The following ADGRF1 variants were observed in gnomAD, a reference collection of about 807,000 sequenced individuals.
ADGRF1 encodes adhesion G protein-coupled receptor F1, also known as G protein-coupled receptor 110.
Under a neutral mutation model 87.2 loss-of-function variants are expected in ADGRF1, and 85 were observed. The observed-to-expected ratio is 0.97, with a 90% CI of 0.82 to 1.17. The LOEUF is 1.17. Ranked by LOEUF, ADGRF1 falls within the 50% of genes most tolerant of loss-of-function variation. The pLI, the probability that ADGRF1 is intolerant of heterozygous loss-of-function variation, is 0.00. For missense variants in ADGRF1, 1,169 were observed against 1,077.2 expected, an observed-to-expected ratio of 1.09 and a Z score of -1.19; for synonymous variants, 430 against 408.8, an observed-to-expected ratio of 1.05 and a Z score of -0.63.
intron 1 of ADGRF1, among the ~76,000 whole-genome samples, chr6:47,039,064 T>A (rs998063132): frequency 6.6e-6 from 1 of 152,188 alleles, no homozygotes; most frequent in Non-Finnish European, 1.5e-5. Context: ...CACAAATGTA[T>A]AATAAATATC....
At position 47,009,583 on chromosome 6, in the gene ADGRF1, G is replaced by A; in HGVS notation, c.1852C>T (p.Gln618Ter). Residue 618 changes from glutamine to a stop codon, truncating the protein, a stop_gained, in exon 11 of 15, where the codon CAA becomes TAA. Coordinates refer to ENST00000371253, the MANE Select transcript of ADGRF1 (RefSeq NM_153840.4). LOFTEE classifies it high-confidence loss of function. The stretch of plus-strand genomic sequence containing the variant: ...CAAATACGACGTGTGTGAGAGGTTT[G>A]GCTTTTTTTAATCTGCTTCCAAAAC... ...ALFWKQIKKS[Q>*]TSHTRRICMV... 2 of 1,614,126 alleles carry A rather than the reference G, an allele frequency of 1.2e-6. No individual in the cohort carries two copies. Among genetic ancestry groups the A allele is most frequent in the Non-Finnish European group, 8.5e-7 (1 of 1,180,010 alleles).
rs575186629 is a variant in ADGRF1 at position 47,024,957 on chromosome 6, C to T, written c.278-740G>A. ...GAGAGTTGTTTAAAGGATTCTAGAGCGTATTTGACCACCATCTCATTGGAG... is the reference window on the plus strand; with the variant it reads ...GAGAGTTGTTTAAAGGATTCTAGAGTGTATTTGACCACCATCTCATTGGAG... On this transcript the variant is annotated intron_variant, in intron 4 of 14. Transcript: ENST00000371253. 2.6e-4 allele frequency among the ~76,000 whole-genome samples: 39 copies of T among 152,248 alleles called. 1 individual carries two copies. In the South Asian group the frequency reaches 6.6e-3, roughly 26 times the overall value.
chr6:47,001,678 G>T, intron 13 of ADGRF1, 111 bp from the exon 14 acceptor site: 1 of 789,368 alleles, frequency 1.3e-6, no homozygotes, highest in Non-Finnish European at 2.1e-6. Context: ...ATTTTCATAG[G>T]TGCTATTCTC....
Position 47,012,122 on chromosome 6 carries a change from A to T in ADGRF1, c.1001T>A (p.Ile334Asn), listed in dbSNP as rs1263629968. 6.2e-7 allele frequency: 1 copy of T among 1,614,036 alleles called. No homozygotes were observed. The highest frequency in any genetic ancestry group is 8.5e-7 in the Non-Finnish European group (1 of 1,179,976). Residue 334 changes from isoleucine to asparagine, a missense_variant, in exon 10 of 15, where the codon ATT (isoleucine) becomes AAT (asparagine). Transcript: ENST00000371253. ...SSFVQNLSVI[I>N]RQNPSTTVGN... is the part of the protein sequence containing the mutation. ...CACTGTGGTTGATGGGTTTTGCCGA[A>T]TGATGACAGAAAGATTTTGCACGAA...
In ADGRF1 at chr6:47,033,957, A is replaced by T. The variant is rs1238781445; in HGVS notation, c.-43-4853T>A. Among the ~76,000 whole-genome samples the T allele has an allele frequency of 1.3e-5, 2 of 152,246 alleles. 1 individual carries two copies. The highest frequency in any genetic ancestry group is 2.9e-5 in the Non-Finnish European group (2 of 68,050). ...ACAAACTTCCTCTGGAAGGACAGTA[A>T]TTTAAAGTCATTTAAAATCTCAGGG... On this transcript the variant is annotated intron_variant, in intron 1 of 14. Transcript: ENST00000371253.
intron 13 of ADGRF1, among the ~76,000 whole-genome samples, chr6:47,004,403 A>G (rs1779455062): frequency 6.6e-6 from 1 of 152,234 alleles, no homozygotes; most frequent in African/African-American, 2.4e-5. Flanking sequence ...TAATTTGGAA[A>G]TGAAATTGGG....
At chr6:47,036,034 C>G (rs1401175555) in intron 1 of ADGRF1, among the ~76,000 whole-genome samples, 4 of 152,164 alleles carry the variant, frequency 2.6e-5, no homozygotes, top group Non-Finnish European at 4.4e-5. Context: ...AGTTCGAGAC[C>G]AGCCTGGGCA....
intron 1 of ADGRF1, among the ~76,000 whole-genome samples, chr6:47,039,330 T>C (rs1243902967): frequency 6.6e-6 from 1 of 152,238 alleles, no homozygotes; most frequent in Non-Finnish European, 1.5e-5. Flanking sequence ...CTGCATTTTC[T>C]TTATTCAACT....
intron 2 of ADGRF1, among the ~76,000 whole-genome samples, chr6:47,028,068 C>T (rs1198495526): frequency 6.6e-6 from 1 of 152,068 alleles, no homozygotes; most frequent in East Asian, 1.9e-4. Flanking sequence ...CTTTATAGGC[C>T]ATGGAAAGGG....
At chr6:47,027,284 G>A (rs1251495929) in intron 3 of ADGRF1, among the ~76,000 whole-genome samples, 1 of 152,152 alleles carries the variant, frequency 6.6e-6, no homozygotes, top group Middle Eastern at 3.2e-3. Context: ...TTTATTGCAT[G>A]GTATAAAAGC....
intron 13 of ADGRF1, 36 bp from the exon 14 acceptor site, chr6:47,001,603 T>A: frequency 1.3e-6 from 2 of 1,534,360 alleles, no homozygotes; most frequent in East Asian, 4.5e-5. Context: ...TGGACATTAA[T>A]AGCATTCTTT....
At chr6:47,036,963 G>A (rs902590303) in intron 1 of ADGRF1, among the ~76,000 whole-genome samples, 2 of 152,120 alleles carry the variant, frequency 1.3e-5, no homozygotes, top group Admixed American at 6.5e-5. Context: ...TTCCTTTCAC[G>A]CATCTGAATT....
At position 46,999,967 on chromosome 6, in the gene ADGRF1, G is replaced by T. The variant is rs1015577723; in HGVS notation, c.*255C>A. The stretch of plus-strand genomic sequence containing the variant: ...TTTATGGTCAGGGTACAACTGACAC[G>T]ATTTCCAACAAAACCTACTCTTCTG... On this transcript the variant is annotated 3_prime_UTR_variant, in exon 15 of 15. Transcript: ENST00000371253. 2.6e-6 allele frequency: 1 copy of T among 383,220 alleles called. No homozygotes were observed. The highest frequency in any genetic ancestry group is 3.9e-5 in the South Asian group (1 of 25,770). The allele number at this position is 383,220 out of a possible 1,614,324, so 23.7% of individuals were successfully genotyped here.
Position 47,025,988 on chromosome 6 carries a change from T to C in ADGRF1, c.143A>G (p.Tyr48Cys). Residue 48 changes from tyrosine to cysteine, a missense_variant, in exon 4 of 15, where the codon TAT becomes TGT. Tyr to Cys is a radical substitution (Grantham distance 194, BLOSUM62 -2). Transcript: ENST00000371253. ...ATAGGTCACCTGAAGCAGCAGCTGA[T>C]ATTCTTCGACTGGGCCTAAAGAGAG... The part of the protein sequence containing the change: ...KKKHLGPVEE[Y>C]QLLLQVTYRD... The C allele has an allele frequency of 6.2e-7, 1 of 1,603,488 alleles. No homozygotes were observed. Among genetic ancestry groups the C allele is most frequent in the Non-Finnish European group, 8.5e-7 (1 of 1,174,908 alleles).
rs771491120 is a variant in ADGRF1, at chr6:47,027,734, CT to C, written c.96del (p.Glu33AsnfsTer4). Reference sequence around the variant, plus strand: ...TGTTTTTTCTTATTCACAATGAGTTCTTTTTTTGTTTTGATGCCATCATTTT... The same window carrying C: ...TGTTTTTTCTTATTCACAATGAGTTCTTTTTTGTTTTGATGCCATCATTTT... ...LGKNDGIKTK[K>X]ELIVNKKKHL... is the part of the protein sequence containing the mutation. On this transcript the variant is annotated frameshift_variant, in exon 3 of 15. Coordinates refer to ENST00000371253, the MANE Select transcript of ADGRF1 (RefSeq NM_153840.4). LOFTEE classifies it high-confidence loss of function. 14 of 1,599,082 alleles carry C rather than the reference CT, an allele frequency of 8.8e-6. No individual in the cohort carries two copies. The highest frequency in any genetic ancestry group is 1.3e-5 in the African/African-American group (1 of 74,446).
At chr6:47,005,469 A>T (rs1304022129) in intron 13 of ADGRF1, among the ~76,000 whole-genome samples, 1 of 152,220 alleles carries the variant, frequency 6.6e-6, no homozygotes, top group African/African-American at 2.4e-5. Context: ...AAGGTTCAGA[A>T]AGTCAGATGA....
At chr6:47,007,452 G>A (rs935804307) in intron 11 of ADGRF1, among the ~76,000 whole-genome samples, 158 bp from the exon 12 acceptor site, 4 of 152,146 alleles carry the variant, frequency 2.6e-5, no homozygotes, top group African/African-American at 9.7e-5. Flanking sequence ...AACACCATGT[G>A]GCCTCCACAA....
At chr6:47,033,436 G>T (rs2113908005) in intron 1 of ADGRF1, among the ~76,000 whole-genome samples, 1 of 152,324 alleles carries the variant, frequency 6.6e-6, no homozygotes, top group African/African-American at 2.4e-5. Flanking sequence ...AGTTGAAACT[G>T]CTCACACCTA....
chr6:47,003,716 A>G (rs1428458476), intron 13 of ADGRF1, among the ~76,000 whole-genome samples: 2 of 152,164 alleles, frequency 1.3e-5, no homozygotes, highest in Non-Finnish European at 2.9e-5. Context: ...CTGAACCAAG[A>G]TATACCTCGC....
Sources: allele counts gnomAD v4.1 joint callset (sites outside exome capture counted in the v4.1 genomes callset), GRCh38; gene constraint gnomAD v4.1.1; transcripts MANE v1.5; gene names NCBI Gene and HGNC (gene_info 2026-07-23, HGNC 2026-07-21).